Variants in ELMO1 observed in about 807,000 individuals in gnomAD.
ELMO1 encodes engulfment and cell motility 1.
ELMO1 carries 26 observed loss-of-function variants against 98.9 expected under a neutral mutation model. That is an observed-to-expected ratio of 0.26 (90% CI 0.19 to 0.36). ELMO1 has a LOEUF of 0.36. ELMO1 is among the 10% of genes least tolerant of loss of function. The pLI is 1.00. For missense variants in ELMO1, 627 were observed against 935.2 expected, an observed-to-expected ratio of 0.67 and a Z score of 4.30; for synonymous variants, 346 against 346.0, an observed-to-expected ratio of 1.00 and a Z score of 0.00.
chr7:37,143,561 C>A (rs1787778665), intron 13 of ELMO1, among the ~76,000 whole-genome samples: 1 of 151,942 alleles, frequency 6.6e-6, no homozygotes. Flanking sequence ...TGCCTGCCAC[C>A]ATGCCTGTCT....
intron 16 of ELMO1, among the ~76,000 whole-genome samples, chr7:36,970,197 A>G (rs1339560527): frequency 2.0e-5 from 3 of 149,898 alleles, no homozygotes; most frequent in Admixed American, 6.7e-5. Context: ...ACACACACAC[A>G]CACACACACA....
chr7:37,282,610 A>G (rs563436167), intron 4 of ELMO1, among the ~76,000 whole-genome samples: 2 of 128,930 alleles, frequency 1.6e-5, no homozygotes, highest in South Asian at 4.8e-4. Context: ...TAAAATCCAG[A>G]CACCACCCCC....
intron 16 of ELMO1, among the ~76,000 whole-genome samples, chr7:36,973,687 C>T (rs1790184506): frequency 6.6e-6 from 1 of 152,174 alleles, no homozygotes; most frequent in Non-Finnish European, 1.5e-5. Context: ...TGTGGGAGCC[C>T]GTTTCTGGGC....
intron 13 of ELMO1, among the ~76,000 whole-genome samples, chr7:37,143,431 G>A (rs1309142866): frequency 6.6e-6 from 1 of 152,116 alleles, no homozygotes; most frequent in Non-Finnish European, 1.5e-5. Context: ...TTTTGCGACC[G>A]AGTCTCGCTC....
intron 15 of ELMO1, among the ~76,000 whole-genome samples, chr7:37,092,366 C>CTTTTTTTTTTTTTTTTTTTTTTTTTTTTT (rs537388417): frequency 4.4e-5 from 3 of 68,894 alleles, no homozygotes; most frequent in Non-Finnish European, 6.2e-5. Context: ...TACCCATATT[C>CTTTTTTTTTTTTTTTTTTTTTTTTTTTTT]TTTTTTTTTT....
chr7:37,341,276 G>A (rs545209709), intron 2 of ELMO1, among the ~76,000 whole-genome samples: 2 of 152,218 alleles, frequency 1.3e-5, no homozygotes, highest in Admixed American at 6.5e-5. Flanking sequence ...TCTCACTGAA[G>A]CCACTGGTCT....
At chr7:37,092,655 G>C (rs760308475) in intron 15 of ELMO1, among the ~76,000 whole-genome samples, 1 of 152,068 alleles carries the variant, frequency 6.6e-6, no homozygotes, top group Non-Finnish European at 1.5e-5. Context: ...GATTACAGGC[G>C]TGAGCCAACA....
intron 1 of ELMO1, 57 bp downstream of exon 1, chr7:37,448,618 T>G (rs1385946694): frequency 1.3e-5 from 2 of 151,828 alleles, no homozygotes; most frequent in Non-Finnish European, 2.9e-5. Flanking sequence ...CCCCCTCCCC[T>G]GCCGCGCCGA....
At chr7:37,359,816 T>C (rs144618429) in intron 1 of ELMO1, among the ~76,000 whole-genome samples, 17 of 152,352 alleles carry the variant, frequency 1.1e-4, no homozygotes, top group Admixed American at 3.9e-4. Flanking sequence ...TTTATGCACT[T>C]TTCCATTATT....
chr7:36,927,593 C>G (rs1306885323), intron 16 of ELMO1, among the ~76,000 whole-genome samples: 1 of 152,158 alleles, frequency 6.6e-6, no homozygotes, highest in African/African-American at 2.4e-5. Flanking sequence ...TGTGAAGAGT[C>G]AGAGTAGCAG....
At position 37,024,134 on chromosome 7, in the gene ELMO1, T is replaced by TC. The variant is rs1474734585; in HGVS notation, c.1301-10700dup. On this transcript the variant is annotated intron_variant, in intron 15 of 21. Transcript: ENST00000310758. ...ATTCATGTGCACATTATTCCATCTG[T>TC]CGGTCGGTCCATCCATCCATCTAAC... Among the ~76,000 whole-genome samples, 3 of 152,182 alleles carry TC rather than the reference T, an allele frequency of 2.0e-5. No individual in the cohort carries two copies. In the East Asian group the frequency reaches 5.8e-4, roughly 29 times the overall value.
chr7:36,917,959 C>G (rs1273878493), intron 16 of ELMO1, among the ~76,000 whole-genome samples: 1 of 152,132 alleles, frequency 6.6e-6, no homozygotes. Flanking sequence ...AAAAAATAAG[C>G]ATTCTTACTT....
rs200590259 is a variant in ELMO1, at chr7:36,990,548, G to C, written c.1437+22751C>G. Among the ~76,000 whole-genome samples, 30 of 152,170 alleles carry C rather than the reference G, an allele frequency of 2.0e-4. No homozygotes were observed. In the East Asian group the frequency reaches 4.8e-3, roughly 25 times the overall value. ...AATCACTGCTGGGCATCTGAATAAAGGTCATAAGAAATCCCTTTCTATTTC... is the reference window on the plus strand; with the variant it reads ...AATCACTGCTGGGCATCTGAATAAACGTCATAAGAAATCCCTTTCTATTTC... On this transcript the variant is annotated intron_variant, in intron 16 of 21. Transcript: ENST00000310758.
chr7:37,395,773 C>A (rs1803273626), intron 1 of ELMO1, among the ~76,000 whole-genome samples: 1 of 151,840 alleles, frequency 6.6e-6, no homozygotes, highest in Admixed American at 6.5e-5. Flanking sequence ...AACCACTTCT[C>A]TATATACTCA....
chr7:36,954,885 T>C (rs912165996), intron 16 of ELMO1, among the ~76,000 whole-genome samples: 28 of 152,200 alleles, frequency 1.8e-4, no homozygotes, highest in African/African-American at 5.8e-4. Context: ...TTCCCAATAT[T>C]TGATGTTTTT....
intron 1 of ELMO1, among the ~76,000 whole-genome samples, chr7:37,436,755 C>G (rs1313131607): frequency 6.6e-6 from 1 of 152,188 alleles, no homozygotes; most frequent in African/African-American, 2.4e-5. Flanking sequence ...GAAATGGAAG[C>G]AGGTGGCTTC....
intron 16 of ELMO1, among the ~76,000 whole-genome samples, chr7:36,920,165 G>A (rs1785032342): frequency 6.6e-6 from 1 of 152,220 alleles, no homozygotes; most frequent in African/African-American, 2.4e-5. Flanking sequence ...CCACCACACA[G>A]TCAACTACAG....
At chr7:37,097,211 C>G (rs1044113971) in intron 14 of ELMO1, among the ~76,000 whole-genome samples, 4 of 152,134 alleles carry the variant, frequency 2.6e-5, no homozygotes, top group Admixed American at 2.0e-4. Flanking sequence ...CATGATGGAC[C>G]AATCACAGTC....
chr7:37,350,936 C>G (rs1246501637), intron 1 of ELMO1, among the ~76,000 whole-genome samples: 3 of 152,202 alleles, frequency 2.0e-5, no homozygotes, highest in African/African-American at 7.2e-5. Context: ...CTGATAACAC[C>G]TTGATCTCTG....
Sources: allele counts gnomAD v4.1 joint callset (sites outside exome capture counted in the v4.1 genomes callset), GRCh38; gene constraint gnomAD v4.1.1; transcripts MANE v1.5; gene names NCBI Gene and HGNC (gene_info 2026-07-23, HGNC 2026-07-21).